Variants in AGMO observed in about 807,000 individuals in gnomAD.
AGMO encodes the protein glyceryl-ether monooxygenase.
AGMO carries 75 observed loss-of-function variants against 60.2 expected under a neutral mutation model. The ratio of observed to expected loss-of-function variants is 1.25; its 90% confidence interval spans 1.03 to 1.51. The LOEUF (loss-of-function observed/expected upper bound fraction) is 1.51. Among genes scored for constraint, AGMO ranks in the 40% most tolerant of loss-of-function variants. AGMO has a pLI of 0.00. For missense variants in AGMO, 763 were observed against 525.5 expected (o/e 1.45, Z -4.42); for synonymous variants, 261 against 177.1 (o/e 1.47, Z -3.76).
At chr7:15,376,778 G>C (rs558079906) in intron 10 of AGMO, among the ~76,000 whole-genome samples, 19 of 152,164 alleles carry the variant, frequency 1.2e-4, no homozygotes, top group African/African-American at 4.6e-4. Flanking sequence ...GACACTGGCA[G>C]CTGAGGAATT....
chr7:15,416,067 T>A (rs1780760842), intron 5 of AGMO, among the ~76,000 whole-genome samples: 1 of 146,688 alleles, frequency 6.8e-6, no homozygotes. Context: ...GGAGTCTCCC[T>A]CTGTCGCCCA....
chr7:15,324,930 G>T (rs892300031), intron 12 of AGMO, among the ~76,000 whole-genome samples: 2 of 151,932 alleles, frequency 1.3e-5, no homozygotes, highest in African/African-American at 2.4e-5. Context: ...GTCCGTGGTT[G>T]GGGAGTTGGG....
chr7:15,463,033 T>C lies in AGMO; in HGVS notation c.410-31925A>G, dbSNP rs189039651. Among the ~76,000 whole-genome samples the C allele has an allele frequency of 3.6e-3, 544 of 152,292 alleles. 5 individuals carry two copies. Among genetic ancestry groups the C allele is most frequent in the African/African-American group, 0.012 (514 of 41,566 alleles). On this transcript the variant is annotated intron_variant, in intron 3 of 12. Transcript: ENST00000342526. Reference sequence around the variant, plus strand: ...TAGCTGGATGGAAACATCTGGGGTATAAGATTATCGAGAGTGGATAACTGG... The same window carrying C: ...TAGCTGGATGGAAACATCTGGGGTACAAGATTATCGAGAGTGGATAACTGG...
At chr7:15,539,756 G>C (rs1453728960) in intron 3 of AGMO, among the ~76,000 whole-genome samples, 2 of 152,132 alleles carry the variant, frequency 1.3e-5, no homozygotes, top group Non-Finnish European at 2.9e-5. Flanking sequence ...CCCACCAACA[G>C]TGTATAAGCA....
chr7:15,375,582 A>T (rs371241600), intron 10 of AGMO, among the ~76,000 whole-genome samples: 1 of 151,912 alleles, frequency 6.6e-6, no homozygotes, highest in Non-Finnish European at 1.5e-5. Context: ...TTTTTAGCAG[A>T]GGCGGAGGTT....
chr7:15,509,497 G>T (rs1208312735), intron 3 of AGMO, among the ~76,000 whole-genome samples: 1 of 151,970 alleles, frequency 6.6e-6, no homozygotes, highest in Non-Finnish European at 1.5e-5. Context: ...AAAACATATG[G>T]GGAAAGTTCC....
At chr7:15,208,950 C>T (rs191689627) in intron 12 of AGMO, among the ~76,000 whole-genome samples, 1 of 152,304 alleles carries the variant, frequency 6.6e-6, no homozygotes, top group Admixed American at 6.5e-5. Flanking sequence ...CAAAGTACTA[C>T]ACTTTTCTAA....
At chr7:15,318,314 A>G (rs548586422) in intron 12 of AGMO, among the ~76,000 whole-genome samples, 3 of 152,048 alleles carry the variant, frequency 2.0e-5, no homozygotes, top group African/African-American at 7.2e-5. Context: ...TACATGTTTA[A>G]AAGATTATGA....
rs562350281 is a variant in AGMO at position 15,382,252 on chromosome 7, G to A, written c.1074+3194C>T. ...CAACTTTCTGAAAATCTATTTAGCAGGATACATTGCATACACAATTGGATG... is the reference window on the plus strand; with the variant it reads ...CAACTTTCTGAAAATCTATTTAGCAAGATACATTGCATACACAATTGGATG... On this transcript the variant is annotated intron_variant, in intron 10 of 12. Transcript: ENST00000342526. 3.3e-5 allele frequency among the ~76,000 whole-genome samples: 5 copies of A among 152,172 alleles called. No individual in the cohort carries two copies. The East Asian group carries it at 7.7e-4, about 24-fold the overall frequency.
intron 12 of AGMO, among the ~76,000 whole-genome samples, chr7:15,286,236 C>T (rs1006597421): frequency 2.0e-5 from 3 of 151,858 alleles, no homozygotes; most frequent in African/African-American, 4.8e-5. Flanking sequence ...CCTAATTAAA[C>T]GAAAAAGCTT....
intron 2 of AGMO, among the ~76,000 whole-genome samples, chr7:15,548,099 G>A (rs1374212106): frequency 6.6e-6 from 1 of 152,086 alleles, no homozygotes; most frequent in East Asian, 1.9e-4. Flanking sequence ...ACCTGCAGCT[G>A]ACGGTCATGT....
chr7:15,375,294 A>C (rs1043655314), intron 10 of AGMO, among the ~76,000 whole-genome samples: 1 of 152,050 alleles, frequency 6.6e-6, no homozygotes, highest in African/African-American at 2.4e-5. Context: ...GGATCTACAA[A>C]CTAAATACCT....
intron 3 of AGMO, among the ~76,000 whole-genome samples, chr7:15,542,290 T>C (rs1784649464): frequency 6.6e-6 from 1 of 152,190 alleles, no homozygotes; most frequent in Non-Finnish European, 1.5e-5. Context: ...GTGAATGTTT[T>C]TCCAGAAGGT....
downstream of AGMO, among the ~76,000 whole-genome samples, chr7:15,198,274 T>A (rs12532718): frequency 0.083 from 6,808 of 81,916 alleles, 508 homozygotes; most frequent in Non-Finnish European, 0.099. Context: ...AGAGAGAGAG[T>A]GTGTTAAAGT....
chr7:15,142,553 T>C, the AGMO span, among the ~76,000 whole-genome samples: 4 of 152,194 alleles, frequency 2.6e-5, no homozygotes, highest in Non-Finnish European at 5.9e-5. Context: ...ATTAGTCTTT[T>C]CTCTTAATCT....
intron 12 of AGMO, among the ~76,000 whole-genome samples, chr7:15,350,966 A>G (rs1003470708): frequency 2.0e-5 from 3 of 152,150 alleles, no homozygotes; most frequent in Non-Finnish European, 4.4e-5. Flanking sequence ...TACTCTGCCC[A>G]ACAAGTTATT....
chr7:15,409,082 A>G (rs1784775343), intron 5 of AGMO, among the ~76,000 whole-genome samples: 1 of 151,936 alleles, frequency 6.6e-6, no homozygotes, highest in Non-Finnish European at 1.5e-5. Flanking sequence ...CAGGAGATAT[A>G]GTGGGAAGGC....
intron 12 of AGMO, among the ~76,000 whole-genome samples, chr7:15,322,457 A>AATATATATAAATATATAAAT (rs1465313105): frequency 1.3e-5 from 1 of 77,362 alleles, no homozygotes; most frequent in Non-Finnish European, 2.6e-5. Flanking sequence ...TATATATATA[A>AATATATATAAATATATAAAT]ATATATATAA....
chr7:15,365,635 A>G lies in AGMO; in HGVS notation c.1158-16T>C. 1 of 1,527,720 alleles carries G rather than the reference A, an allele frequency of 6.5e-7. No homozygotes were observed. The highest frequency in any genetic ancestry group is 9.1e-7 in the Non-Finnish European group (1 of 1,102,712). 94.6% of individuals were successfully genotyped at this position (1,527,720 alleles called of 1,614,324 possible). ...TGCCTTGGGTCTGAAATAAAATGTC[A>G]TTAACATGCATTAGCTTTAAATATG... On this transcript the variant is annotated splice_polypyrimidine_tract_variant and intron_variant, in intron 11 of 12. Coordinates refer to ENST00000342526, the MANE Select transcript of AGMO (RefSeq NM_001004320.2).
Sources: allele counts gnomAD v4.1 joint callset (sites outside exome capture counted in the v4.1 genomes callset), GRCh38; gene constraint gnomAD v4.1.1; transcripts MANE v1.5; gene names NCBI Gene and HGNC (gene_info 2026-07-23, HGNC 2026-07-21).